TPST1: variants seen among roughly 807,000 people sequenced by gnomAD.
TPST1 encodes the protein protein-tyrosine sulfotransferase 1.
Under a neutral mutation model 34.8 loss-of-function variants are expected in TPST1, and 20 were observed. The observed-to-expected ratio is 0.57, with a 90% CI of 0.40 to 0.84. The LOEUF (loss-of-function observed/expected upper bound fraction) is 0.84, where lower values mean the gene tolerates loss of function less well. Among genes scored for constraint, TPST1 ranks in the 40% least tolerant of loss-of-function variants. The pLI, the probability that TPST1 is intolerant of heterozygous loss-of-function variation, is 0.00. For missense variants in TPST1, 353 were observed against 455.5 expected (o/e 0.78, Z 2.05); for synonymous variants, 152 against 159.4 (o/e 0.95, Z 0.35).
chr7:66,273,460 A>G (rs1252031049), intron 2 of TPST1, among the ~76,000 whole-genome samples: 2 of 152,218 alleles, frequency 1.3e-5, no homozygotes, highest in Non-Finnish European at 2.9e-5. Context: ...AAAGCCCCAA[A>G]TAGTCAAAGC....
chr7:66,275,266 C>T (rs552875448), intron 2 of TPST1, among the ~76,000 whole-genome samples: 1 of 152,244 alleles, frequency 6.6e-6, no homozygotes, highest in East Asian at 1.9e-4. Flanking sequence ...GAGACCTATA[C>T]ACTGTTGGTG....
At chr7:66,264,110 C>G (rs1790542718) in intron 2 of TPST1, among the ~76,000 whole-genome samples, 1 of 152,166 alleles carries the variant, frequency 6.6e-6, no homozygotes, top group Non-Finnish European at 1.5e-5. Flanking sequence ...ACTTCAAAAC[C>G]TTGTCTCTAT....
At position 66,246,389 on chromosome 7, in the gene TPST1, G is replaced by T. The variant is rs575733819; in HGVS notation, c.845+5119G>T. ...CTGAGACATCTTAGCTGGAGAGGAG[G>T]AATTGAATAAACAAGGGATACAAGT... is the stretch of plus-strand genomic sequence containing the variant. On this transcript the variant is annotated intron_variant, in intron 2 of 5. Transcript: ENST00000304842. Among the ~76,000 whole-genome samples the T allele has an allele frequency of 6.1e-4, 92 of 151,990 alleles. 1 individual carries two copies. Among genetic ancestry groups the T allele is most frequent in the Non-Finnish European group, 3.2e-4 (22 of 67,978 alleles).
At chr7:66,345,263 G>A (rs1283569286) in intron 3 of TPST1, among the ~76,000 whole-genome samples, 2 of 151,112 alleles carry the variant, frequency 1.3e-5, no homozygotes, top group Admixed American at 6.6e-5. Context: ...TTGGGAGGCC[G>A]AGGTGGGCAG....
At chr7:66,248,921 G>A (rs1025476216) in intron 2 of TPST1, among the ~76,000 whole-genome samples, 5 of 152,058 alleles carry the variant, frequency 3.3e-5, no homozygotes, top group African/African-American at 9.7e-5. Flanking sequence ...TTGATTTCTC[G>A]CAGTTTTGGA....
intron 3 of TPST1, among the ~76,000 whole-genome samples, chr7:66,330,450 T>C (rs1366759442): frequency 6.6e-6 from 1 of 152,228 alleles, no homozygotes; most frequent in Non-Finnish European, 1.5e-5. Flanking sequence ...TCAATTTCTC[T>C]GTCCTCTTAC....
intron 2 of TPST1, among the ~76,000 whole-genome samples, chr7:66,266,223 A>G (rs1035160403): frequency 3.3e-5 from 5 of 152,082 alleles, no homozygotes; most frequent in Admixed American, 1.3e-4. Context: ...ATATTTCAGT[A>G]TATAATTTTT....
At chr7:66,241,642 T>C (rs1268022150) in intron 2 of TPST1, among the ~76,000 whole-genome samples, 3 of 152,232 alleles carry the variant, frequency 2.0e-5, no homozygotes, top group Non-Finnish European at 4.4e-5. Flanking sequence ...ATATTGTTGT[T>C]AATGAGGATA....
At chr7:66,217,325 C>A (rs1789444081) in intron 1 of TPST1, among the ~76,000 whole-genome samples, 2 of 152,244 alleles carry the variant, frequency 1.3e-5, no homozygotes, top group South Asian at 4.1e-4. Context: ...GTCTATTTCT[C>A]ACTTGAATTC....
chr7:66,281,522 T>G (rs532416608), intron 2 of TPST1, among the ~76,000 whole-genome samples: 1 of 152,340 alleles, frequency 6.6e-6, no homozygotes, highest in African/African-American at 2.4e-5. Flanking sequence ...TATTGGTCTG[T>G]AGAACACATT....
intron 2 of TPST1, among the ~76,000 whole-genome samples, chr7:66,271,586 T>C (rs1790706209): frequency 6.6e-6 from 1 of 152,220 alleles, no homozygotes; most frequent in Non-Finnish European, 1.5e-5. Context: ...TGTGTTTTAC[T>C]TTTTTAGATT....
chr7:66,216,797 G>C (rs1195786308), intron 1 of TPST1, among the ~76,000 whole-genome samples: 5 of 152,192 alleles, frequency 3.3e-5, no homozygotes, highest in African/African-American at 7.2e-5. Context: ...TTTCTTAAGG[G>C]AGAAAGTTAG....
rs750863911 is a variant in TPST1 at position 66,240,317 on chromosome 7, T to C, written c.-101-8T>C. ...TAATGATAAATAACCTTTTCCTTTC[T>C]CTACTAGATGTTGGTTATCTTTCTG... On this transcript the variant is annotated splice_region_variant and splice_polypyrimidine_tract_variant and intron_variant, in intron 1 of 5. Transcript: ENST00000304842. 6.6e-5 allele frequency: 88 copies of C among 1,326,464 alleles called. No homozygotes were observed. Among genetic ancestry groups the C allele is most frequent in the Non-Finnish European group, 8.7e-5 (86 of 989,248 alleles). 82.2% of individuals were successfully genotyped at this position (1,326,464 alleles called of 1,614,324 possible).
intron 3 of TPST1, among the ~76,000 whole-genome samples, chr7:66,325,295 A>G (rs1791841668): frequency 6.6e-6 from 1 of 152,070 alleles, no homozygotes; most frequent in Admixed American, 6.6e-5. Flanking sequence ...CTCTCCCTTG[A>G]CACGTGGGGA....
chr7:66,276,189 TA>T (rs1026352143), intron 2 of TPST1, among the ~76,000 whole-genome samples: 21 of 151,534 alleles, frequency 1.4e-4, no homozygotes, highest in African/African-American at 2.4e-4. Flanking sequence ...ATATATAGAT[TA>T]AAAAAACTTT....
chr7:66,275,452 A>G (rs917126544), intron 2 of TPST1, among the ~76,000 whole-genome samples: 2 of 152,230 alleles, frequency 1.3e-5, no homozygotes, highest in Non-Finnish European at 2.9e-5. Context: ...ACTATTCACA[A>G]TAGCCAAGAT....
the TPST1 span, among the ~76,000 whole-genome samples, chr7:66,199,921 G>C: frequency 1.3e-5 from 2 of 151,920 alleles, no homozygotes; most frequent in African/African-American, 2.4e-5. Flanking sequence ...ATGCTGGCCA[G>C]AGGTTTCACC....
At chr7:66,345,074 C>T (rs533921149) in intron 3 of TPST1, among the ~76,000 whole-genome samples, 2 of 151,484 alleles carry the variant, frequency 1.3e-5, no homozygotes, top group African/African-American at 2.4e-5. Flanking sequence ...TGTGTACACA[C>T]GATGGGAATA....
intron 2 of TPST1, among the ~76,000 whole-genome samples, chr7:66,244,797 G>A (rs1303127187): frequency 2.6e-5 from 4 of 152,158 alleles, no homozygotes; most frequent in African/African-American, 4.8e-5. Context: ...TAACAGTGAC[G>A]CTTAGACAAC....
Sources: gnomAD v4.1 joint callset for allele counts (sites outside exome capture counted in the v4.1 genomes callset) on GRCh38, gnomAD v4.1.1 for gene constraint, MANE v1.5 for transcripts, NCBI Gene and HGNC (gene_info 2026-07-23, HGNC 2026-07-21) for gene names.